The following LRRC4C variants were observed in gnomAD, a reference collection of about 807,000 sequenced individuals.
The protein encoded by LRRC4C is leucine-rich repeat-containing protein 4C.
A neutral mutation model predicts 33.6 loss-of-function variants in LRRC4C; 5 were observed. The ratio of observed to expected loss-of-function variants is 0.15; its 90% confidence interval spans 0.08 to 0.31. The LOEUF (loss-of-function observed/expected upper bound fraction) is 0.31, where lower values mean the gene tolerates loss of function less well. Among genes scored for constraint, LRRC4C ranks in the 10% least tolerant of loss-of-function variants. The pLI, the probability that LRRC4C is intolerant of heterozygous loss-of-function variation, is 1.00. For synonymous variants in LRRC4C, 329 were observed against 302.0 expected, an observed-to-expected ratio of 1.09 and a Z score of -0.93; for missense variants, 560 against 796.7, an observed-to-expected ratio of 0.70 and a Z score of 3.58.
intron 2 of LRRC4C, among the ~76,000 whole-genome samples, chr11:40,886,099 A>G (rs1426018544): frequency 6.6e-6 from 1 of 152,098 alleles, no homozygotes; most frequent in Non-Finnish European, 1.5e-5. Context: ...CTCCATTGGC[A>G]TAGTAATTAA....
intron 2 of LRRC4C, among the ~76,000 whole-genome samples, chr11:40,672,300 C>A (rs531025905): frequency 3.3e-5 from 5 of 152,204 alleles, no homozygotes; most frequent in Non-Finnish European, 7.4e-5. Flanking sequence ...AAATCTCATC[C>A]ATGAGACGTC....
At chr11:40,673,244 ATAT>A (rs1944222301) in intron 2 of LRRC4C, among the ~76,000 whole-genome samples, 2 of 152,120 alleles carry the variant, frequency 1.3e-5, no homozygotes, top group Non-Finnish European at 2.9e-5. Context: ...AAAAGTAAAA[ATAT>A]TAGGAGAAGG....
chr11:41,055,154 T>G (rs1473870890), intron 1 of LRRC4C, among the ~76,000 whole-genome samples: 1 of 152,172 alleles, frequency 6.6e-6, no homozygotes, highest in African/African-American at 2.4e-5. Flanking sequence ...TACCACAAAT[T>G]AATTTTATTT....
rs1269767686 is a variant in LRRC4C, at chr11:40,115,197, T to G, written c.1096A>C (p.Thr366Pro). Reference protein sequence around the residue: ...IVEPPADLNVTEGMAAELKCR... With the variant: ...IVEPPADLNVPEGMAAELKCR... ...TTCAGCTCAGCTGCCATGCCTTCAGTGACATTGAGGTCTGCAGGGGGCTCC... is the reference window on the plus strand; with the variant it reads ...TTCAGCTCAGCTGCCATGCCTTCAGGGACATTGAGGTCTGCAGGGGGCTCC... Residue 366 changes from threonine to proline, a missense_variant, in exon 7 of 7, where the codon ACT becomes CCT. Physicochemically the swap from Thr to Pro is conservative, Grantham distance 38. Coordinates refer to ENST00000528697, the MANE Select transcript of LRRC4C (RefSeq NM_001258419.2). This position sits in a 1 kb window ranked among gnomAD's most constrained non-coding sequence, Gnocchi z 6.7. 1 of 1,614,094 alleles carries G rather than the reference T, an allele frequency of 6.2e-7. No homozygotes were observed. The highest frequency in any genetic ancestry group is 1.3e-5 in the African/African-American group (1 of 74,936).
intron 1 of LRRC4C, among the ~76,000 whole-genome samples, chr11:41,349,925 A>G (rs184310862): frequency 1.9e-4 from 29 of 152,356 alleles, no homozygotes; most frequent in Admixed American, 1.4e-3. Context: ...CAAAACAGAA[A>G]CAATTCTGGT....
intron 2 of LRRC4C, among the ~76,000 whole-genome samples, chr11:40,920,907 C>T (rs914342685): frequency 2.0e-4 from 29 of 144,856 alleles, no homozygotes; most frequent in African/African-American, 5.2e-4. Context: ...TATCCAGGTG[C>T]GCCCAACATA....
intron 3 of LRRC4C, among the ~76,000 whole-genome samples, chr11:40,401,507 T>C (rs1161114821): frequency 2.0e-5 from 3 of 152,136 alleles, no homozygotes; most frequent in African/African-American, 4.8e-5. Flanking sequence ...GCCAACATTC[T>C]GTATTAGAAG....
intron 5 of LRRC4C, among the ~76,000 whole-genome samples, chr11:40,217,877 T>A (rs1864088303): frequency 3.9e-5 from 6 of 152,144 alleles, no homozygotes; most frequent in Admixed American, 3.3e-4. Flanking sequence ...TTATTGAAGT[T>A]TAATTGAAAA....
At chr11:41,277,200 A>G (rs1256772702) in intron 1 of LRRC4C, among the ~76,000 whole-genome samples, 1 of 152,180 alleles carries the variant, frequency 6.6e-6, no homozygotes, top group Admixed American at 6.6e-5. Context: ...ATATTTCCCC[A>G]ATTTAAAAAT....
intron 5 of LRRC4C, among the ~76,000 whole-genome samples, chr11:40,240,443 G>T (rs184802638): frequency 2.0e-5 from 3 of 152,172 alleles, no homozygotes; most frequent in South Asian, 2.1e-4. Flanking sequence ...AATTCTGATT[G>T]CATTATCCAT....
At chr11:41,342,634 G>C (rs535238066) in intron 1 of LRRC4C, among the ~76,000 whole-genome samples, 2 of 152,226 alleles carry the variant, frequency 1.3e-5, no homozygotes, top group African/African-American at 4.8e-5. Flanking sequence ...AGAATCCTTT[G>C]AACCCTGGAG....
chr11:40,545,080 G>A (rs1270064622), intron 3 of LRRC4C, among the ~76,000 whole-genome samples: 4 of 151,814 alleles, frequency 2.6e-5, no homozygotes, highest in African/African-American at 4.8e-5. Context: ...AGCTCAAATA[G>A]CACCTTGTCT....
intron 1 of LRRC4C, among the ~76,000 whole-genome samples, chr11:41,073,655 A>T (rs1340925750): frequency 6.6e-6 from 1 of 152,198 alleles, no homozygotes; most frequent in Non-Finnish European, 1.5e-5. Flanking sequence ...ATCATGGTTC[A>T]ATATATATGT....
intron 5 of LRRC4C, among the ~76,000 whole-genome samples, chr11:40,160,921 T>C (rs1811578249): frequency 6.6e-6 from 1 of 152,216 alleles, no homozygotes; most frequent in Admixed American, 6.5e-5. Flanking sequence ...GCCACGTCCA[T>C]GCCTCAGTCT....
intron 2 of LRRC4C, among the ~76,000 whole-genome samples, chr11:40,760,053 T>A (rs1046985211): frequency 6.6e-6 from 1 of 152,034 alleles, no homozygotes; most frequent in Non-Finnish European, 1.5e-5. Flanking sequence ...AACCTTTTCT[T>A]TTCCAGATTG....
chr11:41,332,685 C>T (rs530462569), intron 1 of LRRC4C, among the ~76,000 whole-genome samples: 5 of 152,304 alleles, frequency 3.3e-5, no homozygotes, highest in Non-Finnish European at 7.4e-5. Context: ...TTTTATCCTT[C>T]TTTTCAACAA....
chr11:40,871,233 C>T (rs753505070), intron 2 of LRRC4C, among the ~76,000 whole-genome samples: 7 of 152,224 alleles, frequency 4.6e-5, no homozygotes, highest in East Asian at 1.9e-4. Flanking sequence ...CCTGTGATCT[C>T]GCCCTGCCTC....
chr11:41,312,377 A>G (rs1270455497), intron 1 of LRRC4C, among the ~76,000 whole-genome samples: 1 of 152,210 alleles, frequency 6.6e-6, no homozygotes, highest in African/African-American at 2.4e-5. Context: ...AACCAGTTTT[A>G]TGAATTCTAT....
intron 3 of LRRC4C, among the ~76,000 whole-genome samples, chr11:40,323,168 T>C (rs377237994): frequency 7.9e-5 from 12 of 152,072 alleles, no homozygotes; most frequent in African/African-American, 2.4e-4. Context: ...TAGCTTCTCA[T>C]AGCTAAACGT....
Sources: allele counts gnomAD v4.1 joint callset (sites outside exome capture counted in the v4.1 genomes callset), GRCh38; gene constraint gnomAD v4.1.1; non-coding constraint Gnocchi (gnomAD v3.1); transcripts MANE v1.5; gene names NCBI Gene and HGNC (gene_info 2026-07-23, HGNC 2026-07-21).